The following SOX6 variants were observed in gnomAD, a reference collection of about 807,000 sequenced individuals.
The protein encoded by SOX6 is SRY-box transcription factor 6, also known as transcription factor SOX-6.
SOX6 carries 11 observed loss-of-function variants against 97.8 expected under a neutral mutation model. The ratio of observed to expected loss-of-function variants is 0.11; its 90% CI spans 0.07 to 0.19. SOX6 has a LOEUF of 0.19. SOX6 is among the 10% of genes least tolerant of loss of function. The probability of loss-of-function intolerance (pLI) is 1.00; values close to 1 mark genes in which losing one functional copy is unlikely to be tolerated. For synonymous variants in SOX6, 360 were observed against 371.4 expected, an observed-to-expected ratio of 0.97 and a Z score of 0.35; for missense variants, 810 against 1,039.5, an observed-to-expected ratio of 0.78 and a Z score of 3.04.
At chr11:16,153,318 T>C (rs1366598240) in intron 6 of SOX6, among the ~76,000 whole-genome samples, 3 of 152,162 alleles carry the variant, frequency 2.0e-5, no homozygotes, top group African/African-American at 7.2e-5. Flanking sequence ...TAGAGTTACT[T>C]TTTTAAGGAA....
rs1853514598 is a variant in SOX6 at position 16,251,658 on chromosome 11, T to C, written c.446-16987A>G. On this transcript the variant is annotated intron_variant, in intron 3 of 15. Transcript: ENST00000683767. ...CCACACTGGTGAATTGTTCCAAACA[T>C]TCATGGAGGAAATAATACCAATGTA... 1.3e-5 allele frequency among the ~76,000 whole-genome samples: 2 copies of C among 152,116 alleles called. 1 individual carries two copies. Among genetic ancestry groups the C allele is most frequent in the South Asian group, 4.1e-4 (2 of 4,834 alleles).
At chr11:16,287,298 T>TCTCTCTCACA (rs1554953497) in intron 3 of SOX6, among the ~76,000 whole-genome samples, 5 of 123,450 alleles carry the variant, frequency 4.1e-5, no homozygotes, top group African/African-American at 1.6e-4. Flanking sequence ...TCTCTCTCTC[T>TCTCTCTCACA]CACACACACA....
At chr11:16,449,252 A>G (rs1859669568) in intron 1 of SOX6, among the ~76,000 whole-genome samples, 1 of 141,186 alleles carries the variant, frequency 7.1e-6, no homozygotes, top group Non-Finnish European at 1.5e-5. Flanking sequence ...TTGGCTAATC[A>G]GTGTAAAATT....
At chr11:16,436,792 A>G (rs1455591920) in intron 1 of SOX6, among the ~76,000 whole-genome samples, 1 of 152,176 alleles carries the variant, frequency 6.6e-6, no homozygotes, top group Non-Finnish European at 1.5e-5. Context: ...CTTCGCTCTC[A>G]TTTTAACTGT....
intron 1 of SOX6, chr11:16,408,773 C>T (rs936834699): frequency 6.6e-6 from 1 of 151,570 alleles, no homozygotes; most frequent in African/African-American, 2.4e-5. Context: ...AACTCCTGTG[C>T]TCAAGGAGTC....
chr11:16,195,638 G>T (rs1167294815), intron 4 of SOX6, among the ~76,000 whole-genome samples: 1 of 152,154 alleles, frequency 6.6e-6, no homozygotes, highest in Non-Finnish European at 1.5e-5. Flanking sequence ...CTAGAAATTA[G>T]CAGCAAGCCT....
chr11:15,966,652 G>C lies in SOX6; in HGVS notation c.*6157C>G, dbSNP rs956028692. 6.6e-6 allele frequency: 1 copy of C among 151,976 alleles called. No homozygotes were observed. Among genetic ancestry groups the C allele is most frequent in the Non-Finnish European group, 1.5e-5 (1 of 67,990 alleles). 9.4% of individuals were successfully genotyped at this position (151,976 alleles called of 1,614,324 possible). Reference sequence around the variant, plus strand: ...AAAGATGGCATGTTGAACATATCAGGAAAGCACCTTGTGCAAAAAGGAAAA... The same window carrying C: ...AAAGATGGCATGTTGAACATATCAGCAAAGCACCTTGTGCAAAAAGGAAAA... On this transcript the variant is annotated 3_prime_UTR_variant, in exon 16 of 16. Coordinates refer to ENST00000683767, the MANE Select transcript of SOX6 (RefSeq NM_001367873.1).
intron 3 of SOX6, chr11:16,317,939 T>C (rs751690820): frequency 3.1e-5 from 14 of 451,680 alleles, no homozygotes; most frequent in Middle Eastern, 6.5e-4. Flanking sequence ...AGATGTCATG[T>C]ATCAAAGAAG....
chr11:16,107,408 T>TAC (rs1849118862), intron 7 of SOX6, among the ~76,000 whole-genome samples: 1 of 144,688 alleles, frequency 6.9e-6, no homozygotes, highest in African/African-American at 2.6e-5. Context: ...TATATATGTA[T>TAC]ATATATATAC....
At chr11:16,264,123 C>T (rs1853993425) in intron 3 of SOX6, among the ~76,000 whole-genome samples, 1 of 151,744 alleles carries the variant, frequency 6.6e-6, no homozygotes, top group Non-Finnish European at 1.5e-5. Context: ...CTGAAATACA[C>T]AAATATATGA....
rs117883671 is a variant in SOX6 at position 16,534,785 on chromosome 11, G to A, written n.610-58397C>T. 3.4e-3 allele frequency among the ~76,000 whole-genome samples: 519 copies of A among 152,194 alleles called. 2 individuals are homozygous for A. The highest frequency in any genetic ancestry group is 0.01 in the Middle Eastern group (3 of 294). On this transcript the variant is annotated intron_variant and non_coding_transcript_variant, in intron 4 of 5. Coordinates refer to the SOX6 transcript ENST00000524520. ...TGATGTCTGCAGCAGCAATGCTAAG[G>A]GCCAAGCAAGAGACATTTAGAAAAG...
chr11:16,601,289 A>G (rs1188030733), intron 4 of SOX6, among the ~76,000 whole-genome samples: 3 of 152,276 alleles, frequency 2.0e-5, no homozygotes, highest in Middle Eastern at 3.4e-3. Flanking sequence ...TCTGCAAAAC[A>G]TCTTGCTGTA....
chr11:16,226,378 C>A (rs1228365092), intron 4 of SOX6, among the ~76,000 whole-genome samples: 1 of 151,404 alleles, frequency 6.6e-6, no homozygotes, highest in Non-Finnish European at 1.5e-5. Flanking sequence ...TTGTCAAACA[C>A]AAGCACAAAC....
intron 3 of SOX6, among the ~76,000 whole-genome samples, chr11:16,304,507 T>TA (rs1246679169): frequency 1.3e-5 from 2 of 152,162 alleles, no homozygotes; most frequent in African/African-American, 4.8e-5. Flanking sequence ...GCCTTGATCT[T>TA]AGACTTCCCA....
intron 4 of SOX6, among the ~76,000 whole-genome samples, chr11:16,585,511 C>T (rs548806053): frequency 6.6e-6 from 1 of 152,038 alleles, no homozygotes; most frequent in South Asian, 2.1e-4. Flanking sequence ...TCATTTCATC[C>T]CAAGCTAACT....
At chr11:16,647,782 G>T (rs1849035296) in intron 3 of SOX6, among the ~76,000 whole-genome samples, 1 of 152,146 alleles carries the variant, frequency 6.6e-6, no homozygotes, top group African/African-American at 2.4e-5. Flanking sequence ...CTTATCTAGA[G>T]ATAAAATGGA....
intron 4 of SOX6, among the ~76,000 whole-genome samples, chr11:16,511,361 A>G (rs2133151532): frequency 6.6e-6 from 1 of 152,262 alleles, no homozygotes; most frequent in South Asian, 2.1e-4. Flanking sequence ...AATTAGCAAA[A>G]TATTGACTTA....
intron 14 of SOX6, among the ~76,000 whole-genome samples, chr11:15,988,587 CTG>C (rs1853939524): frequency 6.6e-6 from 1 of 152,182 alleles, no homozygotes. Context: ...AAGCAGAAAA[CTG>C]TAGGGTCTAT....
chr11:16,508,900 AT>A, intron 4 of SOX6, among the ~76,000 whole-genome samples: 1 of 152,262 alleles, frequency 6.6e-6, no homozygotes, highest in East Asian at 1.9e-4. Flanking sequence ...CCCCGACATG[AT>A]CATTATACAC....
Sources: allele counts gnomAD v4.1 joint callset (sites outside exome capture counted in the v4.1 genomes callset), GRCh38; gene constraint gnomAD v4.1.1; transcripts MANE v1.5; gene names NCBI Gene and HGNC (gene_info 2026-07-23, HGNC 2026-07-21).